The following EEF2K variants were observed in gnomAD, a reference collection of about 807,000 sequenced individuals.
The protein encoded by EEF2K is eukaryotic elongation factor 2 kinase.
A neutral mutation model predicts 93.8 loss-of-function variants in EEF2K; 70 were observed. That is an observed-to-expected ratio of 0.75 (90% CI 0.62 to 0.91). The LOEUF (loss-of-function observed/expected upper bound fraction) is 0.91, where lower values mean the gene tolerates loss of function less well. Ranked by LOEUF, EEF2K falls within the 40% of genes least tolerant of loss-of-function variation. EEF2K has a pLI of 0.00. For missense variants in EEF2K, 935 were observed against 972.9 expected, an observed-to-expected ratio of 0.96 and a Z score of 0.52; for synonymous variants, 376 against 380.8, an observed-to-expected ratio of 0.99 and a Z score of 0.15.
chr16:22,241,352 A>C (rs957710087), intron 2 of EEF2K, among the ~76,000 whole-genome samples: 1 of 152,130 alleles, frequency 6.6e-6, no homozygotes, highest in Non-Finnish European at 1.5e-5. Flanking sequence ...ATCTTATTAA[A>C]AAATGCATGT....
At chr16:22,266,912 G>C (rs1193230321) in intron 15 of EEF2K, 36 bp downstream of exon 15, 2 of 1,571,304 alleles carry the variant, frequency 1.3e-6, no homozygotes, top group Non-Finnish European at 1.7e-6. Flanking sequence ...GCAGGTGGGG[G>C]TGGGACTTGG....
Position 22,285,004 on chromosome 16 carries a change from A to G in EEF2K, c.*1008A>G, listed in dbSNP as rs2047741075. The G allele has an allele frequency of 6.6e-6, 1 of 152,480 alleles. No homozygotes were observed. The highest frequency in any genetic ancestry group is 6.6e-5 in the Admixed American group (1 of 15,254). The allele number at this position is 152,480 out of a possible 1,614,324, so 9.4% of individuals were successfully genotyped here. A position where few individuals can be genotyped will look rare whatever the true frequency, so the allele number is the denominator to read the frequency against. On this transcript the variant is annotated 3_prime_UTR_variant, in exon 18 of 18. Coordinates refer to ENST00000263026, the MANE Select transcript of EEF2K (RefSeq NM_013302.5). ...TACAGCCGAATTCCATCTTTTAAGC[A>G]TGCTTTCTACGGTGGGCTTTTCAAA...
chr16:22,242,115 G>A (rs2047229312), intron 2 of EEF2K, among the ~76,000 whole-genome samples: 1 of 152,064 alleles, frequency 6.6e-6, no homozygotes, highest in South Asian at 2.1e-4. Flanking sequence ...CCACCACGTA[G>A]CCTGGACAAC....
chr16:22,233,005 C>T (rs2047130998), intron 2 of EEF2K, among the ~76,000 whole-genome samples: 1 of 152,198 alleles, frequency 6.6e-6, no homozygotes, highest in Admixed American at 6.5e-5. Flanking sequence ...CAGATTCTAT[C>T]GCTGTCAAGC....
chr16:22,260,565 C>A (rs1298528032), intron 11 of EEF2K, 36 bp downstream of exon 11: 3 of 1,613,136 alleles, frequency 1.9e-6, no homozygotes, highest in Non-Finnish European at 2.5e-6. Flanking sequence ...AGGCTTCAGA[C>A]CCCAGCAGGG....
At chr16:22,206,709 T>TG (rs1055062090) in intron 1 of EEF2K, 30 bp downstream of exon 1, 6 of 152,044 alleles carry the variant, frequency 3.9e-5, no homozygotes, top group Non-Finnish European at 8.8e-5. Context: ...GGCAAGGCTG[T>TG]GGGGGGCTGG....
chr16:22,269,705 A>G (rs1200183571), intron 15 of EEF2K, among the ~76,000 whole-genome samples: 2 of 152,086 alleles, frequency 1.3e-5, no homozygotes, highest in Non-Finnish European at 2.9e-5. Context: ...CCCAGCCAGT[A>G]TAACTAATTA....
At chr16:22,250,612 T>G in intron 4 of EEF2K, 42 bp from the exon 5 acceptor site, 1 of 1,613,718 alleles carries the variant, frequency 6.2e-7, no homozygotes, top group Non-Finnish European at 8.5e-7. Context: ...CCCTTTTGGG[T>G]GGGGCATGGG....
chr16:22,277,062 T>C (rs1427965861), intron 16 of EEF2K, among the ~76,000 whole-genome samples: 3 of 139,110 alleles, frequency 2.2e-5, no homozygotes, highest in African/African-American at 9.1e-5. Context: ...TGAAATGCCG[T>C]CTTAAAACAA....
intron 16 of EEF2K, 38 bp from the exon 17 acceptor site, chr16:22,280,160 T>C: frequency 4.9e-6 from 7 of 1,432,426 alleles, no homozygotes; most frequent in South Asian, 1.6e-5. Context: ...CCTGTTGCCA[T>C]GGTAACCTCC....
Position 22,283,873 on chromosome 16 carries a change from T to C in EEF2K, c.2069-14T>C. On this transcript the variant is annotated splice_polypyrimidine_tract_variant and intron_variant, in intron 17 of 17. Transcript: ENST00000263026. ...GTGGTTCACCTCTTTTTGCCCCCCT[T>C]TGCTGTCTTTCAGGGGACTTGTATA... 6.4e-7 allele frequency: 1 copy of C among 1,574,380 alleles called. No individual in the cohort carries two copies. The highest frequency in any genetic ancestry group is 8.6e-7 in the Non-Finnish European group (1 of 1,159,674).
rs1011149236 is a variant in EEF2K, at chr16:22,284,693, C to A, written c.*697C>A. 6.6e-6 allele frequency: 1 copy of A among 150,708 alleles called. No homozygotes were observed. The highest frequency in any genetic ancestry group is 1.5e-5 in the Non-Finnish European group (1 of 67,878). The allele number at this position is 150,708 out of a possible 1,614,324, so 9.3% of individuals were successfully genotyped here. On this transcript the variant is annotated 3_prime_UTR_variant, in exon 18 of 18. Coordinates refer to ENST00000263026, the MANE Select transcript of EEF2K (RefSeq NM_013302.5). ...TTAGGGCTGTGCTCACTAGTCTTTT[C>A]AGGCTGGACTGAAATGTCGGGCCCA...
At chr16:22,275,735 G>A (rs1257147641) in intron 16 of EEF2K, among the ~76,000 whole-genome samples, 1 of 150,816 alleles carries the variant, frequency 6.6e-6, no homozygotes, top group African/African-American at 2.4e-5. Flanking sequence ...CCACCTCCCA[G>A]GTTCAAGTGA....
At chr16:22,229,637 G>T (rs1299872072) in intron 2 of EEF2K, among the ~76,000 whole-genome samples, 1 of 152,152 alleles carries the variant, frequency 6.6e-6, no homozygotes, top group Non-Finnish European at 1.5e-5. Flanking sequence ...GGAGGCGGAG[G>T]TTGCAGTGAG....
chr16:22,266,687 G>T lies in EEF2K; in HGVS notation c.1576-1G>T. The T allele has an allele frequency of 1.7e-5, 27 of 1,606,164 alleles. No individual in the cohort carries two copies. The highest frequency in any genetic ancestry group is 2.3e-5 in the Non-Finnish European group (27 of 1,175,540). On this transcript the variant is annotated splice_acceptor_variant, in intron 14 of 17. Transcript: ENST00000263026. LOFTEE classifies it high-confidence loss of function. ...GGCCGACACCGTAGTCTGTGTGGCA[G>T]GTCCATCTGGCCATGGTGCGCTACC... is the stretch of plus-strand genomic sequence containing the variant.
intron 15 of EEF2K, among the ~76,000 whole-genome samples, chr16:22,271,116 T>A (rs979338145): frequency 7.9e-5 from 12 of 151,870 alleles, no homozygotes; most frequent in African/African-American, 2.9e-4. Flanking sequence ...ATTACAGATG[T>A]GCACCACCAC....
chr16:22,287,257 C>G lies in EEF2K; in HGVS notation c.*3261C>G, dbSNP rs1049387176. 1.3e-5 allele frequency: 2 copies of G among 152,254 alleles called. No homozygotes were observed. Among genetic ancestry groups the G allele is most frequent in the Non-Finnish European group, 2.9e-5 (2 of 68,068 alleles). The allele number at this position is 152,254 out of a possible 1,614,324, so 9.4% of individuals were successfully genotyped here. A position where few individuals can be genotyped will look rare whatever the true frequency, so the allele number is the denominator to read the frequency against. ...CTCCAGCCTGGGCGACAGAGTGAGA[C>G]TCCGTCTCGAAACCAAAAACAAGAA... On this transcript the variant is annotated 3_prime_UTR_variant, in exon 18 of 18. Coordinates refer to ENST00000263026, the MANE Select transcript of EEF2K (RefSeq NM_013302.5).
chr16:22,276,502 G>A (rs1452398453), intron 16 of EEF2K, among the ~76,000 whole-genome samples: 1 of 152,106 alleles, frequency 6.6e-6, no homozygotes, highest in African/African-American at 2.4e-5. Context: ...TATGGGTAAG[G>A]CAGGGCTCTG....
chr16:22,266,453 G>C lies in EEF2K; in HGVS notation c.1504G>C (p.Val502Leu), dbSNP rs200096701. ...SRLHLPRASAVALEVQRLNAL... is the reference protein window; with the variant it reads ...SRLHLPRASALALEVQRLNAL... ...CCTCCACCTGCCGAGGGCTTCGGCC[G>C]TGGCCCTGGAAGTGCAAAGGCTTAA... Residue 502 changes from valine to leucine, a missense_variant, in exon 14 of 18, where the codon GTG (valine) becomes CTG (leucine). Transcript: ENST00000263026. 1 of 1,614,036 alleles carries C rather than the reference G, an allele frequency of 6.2e-7. No homozygotes were observed. The highest frequency in any genetic ancestry group is 1.1e-5 in the South Asian group (1 of 91,090).
Sources: gnomAD v4.1 joint callset for allele counts (sites outside exome capture counted in the v4.1 genomes callset) on GRCh38, gnomAD v4.1.1 for gene constraint, MANE v1.5 for transcripts, NCBI Gene and HGNC (gene_info 2026-07-23, HGNC 2026-07-21) for gene names.